FRY: variants seen among roughly 807,000 people sequenced by gnomAD.
FRY encodes protein furry homolog.
In FRY, 128 loss-of-function variants were observed where a neutral mutation model predicts 348.4. The ratio of observed to expected loss-of-function variants is 0.37; its 90% confidence interval spans 0.32 to 0.43. The LOEUF (loss-of-function observed/expected upper bound fraction) is 0.43, where lower values mean the gene tolerates loss of function less well. Among genes scored for constraint, FRY ranks in the 20% least tolerant of loss-of-function variants. The pLI is 1.00. For missense variants in FRY, 2,736 were observed against 3,695.2 expected (o/e 0.74, Z 6.73); for synonymous variants, 1,370 against 1,374.7 (o/e 1.00, Z 0.08).
chr13:32,121,761 G>A (rs185269724), intron 4 of FRY, among the ~76,000 whole-genome samples: 16 of 152,230 alleles, frequency 1.1e-4, no homozygotes, highest in South Asian at 2.1e-4. Flanking sequence ...TCCTTTTGCC[G>A]TGCAAAAGCT....
At chr13:32,118,198 G>T (rs1391393532) in intron 4 of FRY, among the ~76,000 whole-genome samples, 2 of 151,868 alleles carry the variant, frequency 1.3e-5, no homozygotes, top group Non-Finnish European at 2.9e-5. Flanking sequence ...CTATAGCAAG[G>T]CAGTGAATAT....
At chr13:32,275,642 G>A (rs1888498837) in intron 56 of FRY, among the ~76,000 whole-genome samples, 1 of 152,220 alleles carries the variant, frequency 6.6e-6, no homozygotes, top group Non-Finnish European at 1.5e-5. Context: ...CGGTGCCCAT[G>A]ATGCCAGGTT....
At chr13:32,288,309 T>A (rs1412905837) in intron 58 of FRY, among the ~76,000 whole-genome samples, 1 of 152,258 alleles carries the variant, frequency 6.6e-6, no homozygotes, top group Non-Finnish European at 1.5e-5. Flanking sequence ...TACAATGTTT[T>A]ACTAAAACAA....
At position 32,209,874 on chromosome 13, in the gene FRY, A is replaced by G. The variant is rs948901716; in HGVS notation, c.4422+143A>G. On this transcript the variant is annotated intron_variant, in intron 33 of 60. Coordinates refer to ENST00000542859, the MANE Select transcript of FRY (RefSeq NM_023037.3). Reference sequence around the variant, plus strand: ...GAATCTCCTGTGAGCTCATCCAGATATTACATAAAAGTTCCCTTCTGCCCC... The same window carrying G: ...GAATCTCCTGTGAGCTCATCCAGATGTTACATAAAAGTTCCCTTCTGCCCC... The G allele has an allele frequency of 1.3e-5, 11 of 853,066 alleles. No homozygotes were observed. In the African/African-American group the frequency reaches 1.8e-4, roughly 14 times the overall value. The allele number at this position is 853,066 out of a possible 1,614,324, so 52.8% of individuals were successfully genotyped here. A position where few individuals can be genotyped will look rare whatever the true frequency, so the allele number is the denominator to read the frequency against.
intron 27 of FRY, 43 bp downstream of exon 27, chr13:32,186,463 G>A (rs756732304): frequency 1.6e-6 from 2 of 1,216,128 alleles, no homozygotes; most frequent in South Asian, 2.4e-5. Context: ...CAGATGGATG[G>A]TCTCTCTCGT....
intron 1 of FRY, among the ~76,000 whole-genome samples, chr13:32,062,364 C>T (rs1382336580): frequency 6.6e-6 from 1 of 152,090 alleles, no homozygotes; most frequent in Non-Finnish European, 1.5e-5. Flanking sequence ...ACAGACCACT[C>T]CCACAGTCTC....
chr13:32,069,476 G>A (rs1220693075), intron 1 of FRY, among the ~76,000 whole-genome samples: 2 of 152,188 alleles, frequency 1.3e-5, no homozygotes, highest in African/African-American at 2.4e-5. Context: ...TGGGTAAGGG[G>A]ACAGTCTTCA....
rs1164869397 is a variant in FRY, at chr13:32,031,880, A to C, written c.70+15A>C. On this transcript the variant is annotated intron_variant, in intron 1 of 60. Coordinates refer to ENST00000542859, the MANE Select transcript of FRY (RefSeq NM_023037.3). ...CTGGAGTAATAGTGAGTAATAGAAA[A>C]TAACCTTTTTGTTTGTTTGTTTGCT... 3 of 1,393,954 alleles carry C rather than the reference A, an allele frequency of 2.2e-6. No homozygotes were observed. The highest frequency in any genetic ancestry group is 2.3e-5 in the South Asian group (2 of 86,306). The allele number at this position is 1,393,954 out of a possible 1,614,324, so 86.3% of individuals were successfully genotyped here.
intron 7 of FRY, among the ~76,000 whole-genome samples, chr13:32,127,914 C>T (rs140030807): frequency 0.015 from 2,323 of 152,162 alleles, 22 homozygotes; most frequent in African/African-American, 0.019. Context: ...TTATTTTAGT[C>T]ATGGATTCAA....
chr13:32,089,937 T>A (rs2138580177), intron 2 of FRY, among the ~76,000 whole-genome samples: 1 of 152,114 alleles, frequency 6.6e-6, no homozygotes, highest in African/African-American at 2.4e-5. Context: ...GGAGACTAAT[T>A]TTAGTGGTGA....
intron 12 of FRY, 43 bp downstream of exon 12, chr13:32,147,428 A>G (rs760624613): frequency 8.6e-6 from 9 of 1,050,942 alleles, no homozygotes; most frequent in Non-Finnish European, 1.2e-5. Context: ...TCACTCAGCC[A>G]CTGCAGAGGG....
intron 55 of FRY, among the ~76,000 whole-genome samples, chr13:32,274,597 G>T (rs539185273): frequency 2.0e-5 from 3 of 150,974 alleles, no homozygotes; most frequent in East Asian, 3.9e-4. Flanking sequence ...CCAGCTACTC[G>T]GGAGGCTGAG....
In FRY at chr13:32,037,041, C is replaced by A. The variant is rs946932386; in HGVS notation, c.70+5176C>A. ...TCTCTCTGTTTTACACACACACACA[C>A]ACACACACACACACACAAACACACA... On this transcript the variant is annotated intron_variant, in intron 1 of 60. Coordinates refer to ENST00000542859, the MANE Select transcript of FRY (RefSeq NM_023037.3). Among the ~76,000 whole-genome samples the A allele has an allele frequency of 9.2e-5, 9 of 97,480 alleles. No homozygotes were observed. The Admixed American group carries it at 9.8e-4, about 11-fold the overall frequency. The allele number at this position is 97,480 out of a possible 152,430, so 64.0% of individuals were successfully genotyped here.
At chr13:32,221,231 G>A (rs1411069544) in intron 36 of FRY, among the ~76,000 whole-genome samples, 1 of 152,184 alleles carries the variant, frequency 6.6e-6, no homozygotes, top group Non-Finnish European at 1.5e-5. Context: ...GTTAAGGCCA[G>A]CATTCTACAC....
At chr13:32,156,524 C>T (rs182081143) in intron 15 of FRY, among the ~76,000 whole-genome samples, 1 of 149,994 alleles carries the variant, frequency 6.7e-6, no homozygotes, top group East Asian at 2.0e-4. Flanking sequence ...TCACTTGAAC[C>T]CAGGAGACGG....
chr13:32,034,964 C>T (rs1872432937), intron 1 of FRY, among the ~76,000 whole-genome samples: 1 of 152,216 alleles, frequency 6.6e-6, no homozygotes, highest in South Asian at 2.1e-4. Flanking sequence ...ACTTGCATGG[C>T]TTCGGACAGT....
intron 50 of FRY, 67 bp from the exon 51 acceptor site, chr13:32,254,157 A>T: frequency 2.0e-6 from 3 of 1,482,500 alleles, no homozygotes; most frequent in Non-Finnish European, 2.8e-6. Flanking sequence ...AGAGCCAATT[A>T]CAATTTTTCG....
chr13:32,073,851 C>G (rs776336743), intron 1 of FRY, among the ~76,000 whole-genome samples: 106 of 152,130 alleles, frequency 7.0e-4, no homozygotes, highest in Admixed American at 1.6e-3. Context: ...TATATGAGGA[C>G]GCTCATTTCA....
rs1261044030 is a variant in FRY at position 32,137,713 on chromosome 13, T to A, written c.1179+741T>A. On this transcript the variant is annotated intron_variant, in intron 11 of 60. Coordinates refer to ENST00000542859, the MANE Select transcript of FRY (RefSeq NM_023037.3). ...GCAAATAGGATGTATTTTTGACAGT[T>A]GTTCTTGGTTGTGTCCAAAGATGTG... 2.0e-5 allele frequency among the ~76,000 whole-genome samples: 3 copies of A among 152,372 alleles called. No individual in the cohort carries two copies. In the South Asian group the frequency reaches 6.2e-4, roughly 32 times the overall value.
Sources: allele counts gnomAD v4.1 joint callset (sites outside exome capture counted in the v4.1 genomes callset), GRCh38; gene constraint gnomAD v4.1.1; transcripts MANE v1.5; gene names NCBI Gene and HGNC (gene_info 2026-07-23, HGNC 2026-07-21).